The following NRTN variants were observed in gnomAD, a reference collection of about 807,000 sequenced individuals.
NRTN encodes the protein prepro-neurturin.
A neutral mutation model predicts 7.5 loss-of-function variants in NRTN; 3 were observed. The ratio of observed to expected loss-of-function variants is 0.40; its 90% CI spans 0.18 to 1.03. The LOEUF is 1.03. Among genes scored for constraint, NRTN ranks in the 50% least tolerant of loss-of-function variants. The probability of loss-of-function intolerance (pLI) is 0.34; values close to 1 mark genes in which losing one functional copy is unlikely to be tolerated. For synonymous variants in NRTN, 157 were observed against 146.6 expected, an observed-to-expected ratio of 1.07 and a Z score of -0.51; for missense variants, 310 against 307.0, an observed-to-expected ratio of 1.01 and a Z score of -0.07.
rs970006614 is a variant in NRTN, at chr19:5,805,448, G to A, written c.-402G>A. 4.0e-5 allele frequency among the ~76,000 whole-genome samples: 6 copies of A among 151,656 alleles called. No individual in the cohort carries two copies. Among genetic ancestry groups the A allele is most frequent in the Non-Finnish European group, 7.4e-5 (5 of 67,820 alleles). Reference sequence around the variant, plus strand: ...ACTGACGGGTAGTCCGGCGCCCACAGCAGGTAAGCAAGGGGCAGGCGGGGC... The same window carrying A: ...ACTGACGGGTAGTCCGGCGCCCACAACAGGTAAGCAAGGGGCAGGCGGGGC... On this transcript the variant is annotated 5_prime_UTR_variant, in exon 1 of 3. Transcript: ENST00000303212.
intron 1 of NRTN, among the ~76,000 whole-genome samples, chr19:5,817,892 C>G (rs369055674): frequency 1.6e-3 from 244 of 152,256 alleles, no homozygotes; most frequent in African/African-American, 5.8e-3. Flanking sequence ...CTCTGCCTCC[C>G]GGGTTCAAGC....
chr19:5,811,173 G>A (rs2056989594), intron 1 of NRTN, among the ~76,000 whole-genome samples: 1 of 152,144 alleles, frequency 6.6e-6, no homozygotes, highest in Non-Finnish European at 1.5e-5. Flanking sequence ...CCAGAGGTGG[G>A]GTTGCAGTGA....
At chr19:5,826,636 C>T (rs2057047616) in intron 2 of NRTN, among the ~76,000 whole-genome samples, 1 of 152,166 alleles carries the variant, frequency 6.6e-6, no homozygotes, top group South Asian at 2.1e-4. Flanking sequence ...GATTTCCTCT[C>T]CCAACCACAA....
At chr19:5,814,849 AC>A (rs1292057769) in intron 1 of NRTN, among the ~76,000 whole-genome samples, 2 of 152,056 alleles carry the variant, frequency 1.3e-5, no homozygotes, top group Non-Finnish European at 2.9e-5. Flanking sequence ...TCACACTGCT[AC>A]GCTCCCAGCC....
At chr19:5,810,081 T>C (rs2056985256) in intron 1 of NRTN, among the ~76,000 whole-genome samples, 1 of 150,572 alleles carries the variant, frequency 6.6e-6, no homozygotes, top group South Asian at 2.2e-4. Context: ...CTAGCTAACA[T>C]GGCGAAACCC....
intron 2 of NRTN, among the ~76,000 whole-genome samples, chr19:5,825,929 T>TG (rs2057044208): frequency 1.3e-5 from 2 of 152,282 alleles, no homozygotes; most frequent in Admixed American, 1.3e-4. Context: ...GGTCAGGAGA[T>TG]GGAGACCATT....
rs749423256 is a variant in NRTN at position 5,824,182 on chromosome 19, C to T, written c.17C>T (p.Ala6Val). Reference sequence around the variant, plus strand: ...AGGCTGAGGATGCAGCGCTGGAAGGCGGCGGCCTTGGCCTCAGTGCTCTGC... The same window carrying T: ...AGGCTGAGGATGCAGCGCTGGAAGGTGGCGGCCTTGGCCTCAGTGCTCTGC... MQRWK[A>V]AALASVLCSS... The change falls in exon 2 of 3, where the codon GCG (alanine) becomes GTG (valine). Residue 6 changes from alanine to valine, a missense_variant. Physicochemically the swap from Ala to Val is moderately conservative, Grantham distance 64. Transcript: ENST00000303212. 1.7e-5 allele frequency: 27 copies of T among 1,609,248 alleles called. No homozygotes were observed. The African/African-American group carries it at 1.9e-4, about 11-fold the overall frequency.
In NRTN at chr19:5,806,596, C is replaced by T. The variant is rs2056975773; in HGVS notation, c.-399+1145C>T. ...CACTGCCAGCTTCTCCCACCCCCAG[C>T]TTCTTGCCTTGGGGCCCTTTGGACA... On this transcript the variant is annotated intron_variant, in intron 1 of 2. Coordinates refer to ENST00000303212, the MANE Select transcript of NRTN (RefSeq NM_004558.5). The surrounding 1 kb of genome is among the most constrained non-coding windows in gnomAD (Gnocchi z 5.4). Among the ~76,000 whole-genome samples the T allele has an allele frequency of 6.6e-6, 1 of 152,146 alleles. No homozygotes were observed. Among genetic ancestry groups the T allele is most frequent in the Admixed American group, 6.5e-5 (1 of 15,270 alleles).
At chr19:5,816,080 T>A (rs2057004394) in intron 1 of NRTN, among the ~76,000 whole-genome samples, 1 of 151,956 alleles carries the variant, frequency 6.6e-6, no homozygotes, top group East Asian at 1.9e-4. Flanking sequence ...TTTTCTATTT[T>A]TGTAGAGATG....
intron 1 of NRTN, among the ~76,000 whole-genome samples, chr19:5,816,953 C>A (rs964907543): frequency 1.3e-5 from 2 of 152,146 alleles, no homozygotes; most frequent in East Asian, 1.9e-4. Flanking sequence ...TGGATTCATG[C>A]GGTGGTGTTC....
rs867554544 is a variant in NRTN at position 5,828,274 on chromosome 19, G to C, written c.*101G>C. 8.3e-6 allele frequency: 11 copies of C among 1,330,608 alleles called. No individual in the cohort carries two copies. Among genetic ancestry groups the C allele is most frequent in the Middle Eastern group, 5.1e-4 (2 of 3,914 alleles). 82.4% of individuals were successfully genotyped at this position (1,330,608 alleles called of 1,614,324 possible). ...GCGCGTGCGTAGAGCACGCCGGCGC[G>C]GCCCCGGGACTCTCGCGATAACTGT... On this transcript the variant is annotated 3_prime_UTR_variant, in exon 3 of 3. Coordinates refer to ENST00000303212, the MANE Select transcript of NRTN (RefSeq NM_004558.5).
At chr19:5,813,426 C>A (rs1209603834) in intron 1 of NRTN, among the ~76,000 whole-genome samples, 3 of 152,018 alleles carry the variant, frequency 2.0e-5, no homozygotes, top group Admixed American at 6.6e-5. Context: ...AATCCCAGCA[C>A]TTTGGGAGGC....
chr19:5,810,104 A>G (rs1350135816), intron 1 of NRTN, among the ~76,000 whole-genome samples: 1 of 151,170 alleles, frequency 6.6e-6, no homozygotes, highest in African/African-American at 2.5e-5. Context: ...TCTCTACTAA[A>G]AATACAAAAA....
At chr19:5,816,465 G>A (rs868138634) in intron 1 of NRTN, among the ~76,000 whole-genome samples, 21 of 151,884 alleles carry the variant, frequency 1.4e-4, no homozygotes, top group Non-Finnish European at 2.5e-4. Context: ...TGCAACCTCC[G>A]CCTCCCAGGT....
chr19:5,816,382 T>G (rs552707385), intron 1 of NRTN, among the ~76,000 whole-genome samples: 2 of 152,300 alleles, frequency 1.3e-5, no homozygotes, highest in East Asian at 3.9e-4. Flanking sequence ...TCTTTTCTTT[T>G]CTTTTTTCAT....
At position 5,828,046 on chromosome 19, in the gene NRTN, G is replaced by A; in HGVS notation, c.467G>A (p.Arg156Gln). The A allele has an allele frequency of 7.1e-7, 1 of 1,411,652 alleles. No individual in the cohort carries two copies. The highest frequency in any genetic ancestry group is 9.2e-7 in the Non-Finnish European group (1 of 1,091,426). 87.4% of individuals were successfully genotyped at this position (1,411,652 alleles called of 1,614,324 possible). A position where few individuals can be genotyped will look rare whatever the true frequency, so the allele number is the denominator to read the frequency against. ...RRLRQRRRLRRERVRAQPCCR... is the reference protein window; with the variant it reads ...RRLRQRRRLRQERVRAQPCCR... ...CTGCGCCAGCGGCGGCGCCTGCGGC[G>A]GGAGCGGGTGCGCGCGCAGCCCTGC... The change falls in exon 3 of 3, where the codon CGG becomes CAG. Residue 156 changes from arginine (R) to glutamine (Q), a missense_variant. By Grantham distance (43) the Arg-to-Gln change is conservative (BLOSUM62 1). Transcript: ENST00000303212.
intron 2 of NRTN, among the ~76,000 whole-genome samples, chr19:5,824,833 G>A (rs767577680): frequency 1.3e-5 from 2 of 152,184 alleles, no homozygotes; most frequent in Non-Finnish European, 2.9e-5. Context: ...GGTGGAGGGA[G>A]GTTGCAAATT....
intron 1 of NRTN, among the ~76,000 whole-genome samples, chr19:5,810,993 T>C (rs1372939663): frequency 1.3e-5 from 2 of 151,376 alleles, no homozygotes; most frequent in African/African-American, 4.9e-5. Flanking sequence ...TCCCAGCTCT[T>C]TGGGAGTCTG....
intron 2 of NRTN, among the ~76,000 whole-genome samples, 168 bp from the exon 3 acceptor site, chr19:5,827,581 C>G (rs567035865): frequency 3.9e-5 from 6 of 152,234 alleles, no homozygotes; most frequent in South Asian, 2.1e-4. Context: ...GCATGAGCAG[C>G]TCAGCAAGAG....
Sources: allele counts gnomAD v4.1 joint callset (sites outside exome capture counted in the v4.1 genomes callset), GRCh38; gene constraint gnomAD v4.1.1; non-coding constraint Gnocchi (gnomAD v3.1); transcripts MANE v1.5; gene names NCBI Gene and HGNC (gene_info 2026-07-23, HGNC 2026-07-21).